The following SAMD12 variants were observed in gnomAD, a reference collection of about 807,000 sequenced individuals.
The protein encoded by SAMD12 is sterile alpha motif domain containing 12.
A neutral mutation model predicts 15.0 loss-of-function variants in SAMD12; 9 were observed. That is an observed-to-expected ratio of 0.60 (90% CI 0.36 to 1.05). The LOEUF (loss-of-function observed/expected upper bound fraction) is 1.05. Ranked by LOEUF, SAMD12 falls within the 50% of genes least tolerant of loss-of-function variation. The pLI is 0.01. For missense variants in SAMD12, 230 were observed against 234.2 expected (o/e 0.98, Z 0.12); for synonymous variants, 86 against 90.1 (o/e 0.96, Z 0.25).
Position 118,538,282 on chromosome 8 carries a change from G to A in SAMD12, c.192+42433C>T, listed in dbSNP as rs1825902635. On this transcript the variant is annotated intron_variant, in intron 2 of 3. Transcript: ENST00000314727. The stretch of plus-strand genomic sequence containing the variant: ...CAGCTATTGTCTCCCTAGGTCACAT[G>A]CCCCTCAAGTCCACTGGCTACAAGC... Among the ~76,000 whole-genome samples the A allele has an allele frequency of 2.0e-5, 3 of 152,072 alleles. No individual in the cohort carries two copies. In the South Asian group the frequency reaches 6.2e-4, roughly 32 times the overall value.
intron 4 of SAMD12, among the ~76,000 whole-genome samples, chr8:118,262,761 TA>T (rs1210587687): frequency 2.0e-5 from 3 of 151,952 alleles, no homozygotes; most frequent in African/African-American, 4.8e-5. Flanking sequence ...GGAGGAAAAC[TA>T]AGGGAGATCT....
intron 4 of SAMD12, among the ~76,000 whole-genome samples, chr8:118,251,781 C>T (rs1362719017): frequency 6.6e-6 from 1 of 152,110 alleles, no homozygotes; most frequent in Non-Finnish European, 1.5e-5. Flanking sequence ...ACCTCAAAGA[C>T]CTTGTCTCTC....
intron 4 of SAMD12, among the ~76,000 whole-genome samples, chr8:118,361,979 A>T (rs966934572): frequency 6.6e-6 from 1 of 152,186 alleles, no homozygotes. Flanking sequence ...GCAGAAAATC[A>T]GCTCTAAAAC....
At chr8:118,493,814 A>G (rs932878581) in intron 2 of SAMD12, among the ~76,000 whole-genome samples, 4 of 152,194 alleles carry the variant, frequency 2.6e-5, no homozygotes, top group Non-Finnish European at 4.4e-5. Flanking sequence ...GGTGGACACC[A>G]CATGGCAGGA....
intron 4 of SAMD12, among the ~76,000 whole-genome samples, chr8:118,283,035 T>A (rs942776292): frequency 1.3e-5 from 2 of 152,184 alleles, no homozygotes; most frequent in Non-Finnish European, 2.9e-5. Context: ...AAAATCTAGT[T>A]CTAAGTATAG....
intron 2 of SAMD12, among the ~76,000 whole-genome samples, chr8:118,456,044 T>C (rs895668082): frequency 6.6e-6 from 1 of 152,258 alleles, no homozygotes; most frequent in African/African-American, 2.4e-5. Context: ...GTAAACCTGA[T>C]TGGGTCCTTC....
chr8:118,605,411 CAGCT>C (rs1029781620), intron 1 of SAMD12, among the ~76,000 whole-genome samples: 64 of 152,270 alleles, frequency 4.2e-4, no homozygotes, highest in African/African-American at 1.5e-3. Flanking sequence ...ACTCCAGGTA[CAGCT>C]AGTCATTTAT....
At chr8:118,360,467 G>A (rs995001434) in intron 4 of SAMD12, among the ~76,000 whole-genome samples, 4 of 151,624 alleles carry the variant, frequency 2.6e-5, no homozygotes, top group Non-Finnish European at 5.9e-5. Flanking sequence ...TACATTGTTG[G>A]AAACTCAATT....
chr8:118,607,930 C>T (rs1234419322), intron 1 of SAMD12, among the ~76,000 whole-genome samples: 1 of 152,178 alleles, frequency 6.6e-6, no homozygotes, highest in Non-Finnish European at 1.5e-5. Flanking sequence ...AGTCAATGTA[C>T]ATAGTCTATA....
chr8:118,558,649 C>T (rs1041263289), intron 2 of SAMD12, among the ~76,000 whole-genome samples: 2 of 152,118 alleles, frequency 1.3e-5, no homozygotes, highest in African/African-American at 4.8e-5. Context: ...AGCTCCACCT[C>T]CCAGGTTCAC....
chr8:118,163,888 C>T, the SAMD12 span, among the ~76,000 whole-genome samples: 1 of 147,074 alleles, frequency 6.8e-6, no homozygotes, highest in Non-Finnish European at 1.5e-5. Context: ...CAAAACAAAA[C>T]AAAACAAAAC....
intron 4 of SAMD12, among the ~76,000 whole-genome samples, chr8:118,298,696 A>G (rs1244246210): frequency 6.6e-6 from 1 of 152,230 alleles, no homozygotes; most frequent in African/African-American, 2.4e-5. Flanking sequence ...TGTTCATCCC[A>G]TTGTTATTTA....
chr8:118,179,516 TA>T, the SAMD12 span, among the ~76,000 whole-genome samples: 1 of 146,454 alleles, frequency 6.8e-6, no homozygotes, highest in East Asian at 2.0e-4. Flanking sequence ...GTACGAGGGG[TA>T]GTATTTGGAA....
At chr8:118,165,631 T>TATACAC in the SAMD12 span, among the ~76,000 whole-genome samples, 1 of 139,018 alleles carries the variant, frequency 7.2e-6, no homozygotes, top group African/African-American at 2.9e-5. Flanking sequence ...TATATATATA[T>TATACAC]ATATACATAT....
At chr8:118,456,059 G>T (rs1361565074) in intron 2 of SAMD12, among the ~76,000 whole-genome samples, 2 of 152,176 alleles carry the variant, frequency 1.3e-5, no homozygotes, top group Non-Finnish European at 1.5e-5. Context: ...TCCTTCAGTG[G>T]CTTTCCTTTG....
chr8:118,501,476 T>A (rs114807036), intron 2 of SAMD12, among the ~76,000 whole-genome samples: 3,585 of 152,228 alleles, frequency 0.024, 116 homozygotes, highest in African/African-American at 0.076. Context: ...ATTAAAAAAA[T>A]TTTTAAAATG....
chr8:118,332,523 T>G (rs1007945694), intron 4 of SAMD12, among the ~76,000 whole-genome samples: 3 of 152,236 alleles, frequency 2.0e-5, no homozygotes, highest in Admixed American at 6.5e-5. Context: ...CTGATTACTC[T>G]TTACAATTGT....
chr8:118,292,188 T>C (rs908410899), intron 4 of SAMD12, among the ~76,000 whole-genome samples: 42 of 151,324 alleles, frequency 2.8e-4, no homozygotes, highest in African/African-American at 9.9e-4. Context: ...GCAAATACGG[T>C]GCTGTGTAAA....
At position 118,283,126 on chromosome 8, in the gene SAMD12, T is replaced by C. The variant is rs200461284; in HGVS notation, c.434-85394A>G. On this transcript the variant is annotated intron_variant, in intron 4 of 4. Transcript: ENST00000409003. ...TACATAGTACTTCTCTGGTACTTTA[T>C]TTTTTTAATTTTTTTTATTATACTT... is the stretch of plus-strand genomic sequence containing the variant. 5.6e-5 allele frequency among the ~76,000 whole-genome samples: 8 copies of C among 143,534 alleles called. No homozygotes were observed. The East Asian group carries it at 9.2e-4, about 17-fold the overall frequency. 94.2% of individuals were successfully genotyped at this position (143,534 alleles called of 152,430 possible).
Sources: allele counts gnomAD v4.1 joint callset (sites outside exome capture counted in the v4.1 genomes callset), GRCh38; gene constraint gnomAD v4.1.1; transcripts MANE v1.5; gene names NCBI Gene and HGNC (gene_info 2026-07-23, HGNC 2026-07-21).